Variants in FRMD5 observed in about 807,000 individuals in gnomAD.
FRMD5 encodes the protein FERM domain containing 5.
In FRMD5, 20 loss-of-function variants were observed where a neutral mutation model predicts 69.0. The observed-to-expected ratio is 0.29, with a 90% confidence interval of 0.20 to 0.42. The LOEUF (loss-of-function observed/expected upper bound fraction) is 0.42. Among genes scored for constraint, FRMD5 ranks in the 10% least tolerant of loss-of-function variants. The pLI is 1.00. For synonymous variants in FRMD5, 271 were observed against 260.1 expected (o/e 1.04, Z -0.40); for missense variants, 595 against 708.6 (o/e 0.84, Z 1.82).
At chr15:44,065,743 A>C (rs530259606) in intron 1 of FRMD5, among the ~76,000 whole-genome samples, 1 of 152,362 alleles carries the variant, frequency 6.6e-6, no homozygotes, top group Non-Finnish European at 1.5e-5. Flanking sequence ...ACTGACCTAC[A>C]TTTTGTAAGA....
intron 1 of FRMD5, among the ~76,000 whole-genome samples, chr15:44,192,896 T>A (rs962810268): frequency 6.6e-6 from 1 of 152,198 alleles, no homozygotes; most frequent in South Asian, 2.1e-4. Context: ...TACACCAAGC[T>A]TAATTTTTTA....
chr15:43,956,558 A>G (rs1364277027), intron 1 of FRMD5, among the ~76,000 whole-genome samples: 4 of 152,186 alleles, frequency 2.6e-5, no homozygotes, highest in Non-Finnish European at 4.4e-5. Context: ...AGAAAAATAG[A>G]TTGAATGGAG....
intron 1 of FRMD5, among the ~76,000 whole-genome samples, chr15:44,056,818 C>T (rs1012175770): frequency 6.6e-6 from 1 of 152,156 alleles, no homozygotes; most frequent in Admixed American, 6.5e-5. Flanking sequence ...TTAAACACCT[C>T]CTCAGTTTCC....
At chr15:44,120,095 CA>C (rs2076925662) in intron 1 of FRMD5, among the ~76,000 whole-genome samples, 1 of 152,124 alleles carries the variant, frequency 6.6e-6, no homozygotes, top group Non-Finnish European at 1.5e-5. Context: ...CAATTCTGAA[CA>C]GGTACAGAGG....
intron 1 of FRMD5, among the ~76,000 whole-genome samples, chr15:44,119,900 A>C (rs962456162): frequency 2.0e-5 from 3 of 152,192 alleles, no homozygotes; most frequent in African/African-American, 7.2e-5. Flanking sequence ...AGTGGTAAAA[A>C]AATACTTACT....
At chr15:44,091,381 C>CAT (rs2076471206) in intron 1 of FRMD5, among the ~76,000 whole-genome samples, 1 of 152,042 alleles carries the variant, frequency 6.6e-6, no homozygotes, top group African/African-American at 2.4e-5. Context: ...CACACACACA[C>CAT]ATATATATCC....
At chr15:43,887,417 A>G (rs2088688734) in intron 10 of FRMD5, among the ~76,000 whole-genome samples, 1 of 152,224 alleles carries the variant, frequency 6.6e-6, no homozygotes, top group Non-Finnish European at 1.5e-5. Flanking sequence ...CTTTCTATGG[A>G]CAGTAGGGAC....
intron 4 of FRMD5, among the ~76,000 whole-genome samples, chr15:43,913,808 G>A (rs995264073): frequency 7.9e-5 from 12 of 152,194 alleles, no homozygotes; most frequent in Admixed American, 2.6e-4. Flanking sequence ...CAGGCCTTCT[G>A]ACTCGGCCCA....
intron 1 of FRMD5, among the ~76,000 whole-genome samples, chr15:43,984,049 TTTTG>T (rs1889265630): frequency 6.6e-6 from 1 of 152,166 alleles, no homozygotes; most frequent in South Asian, 2.1e-4. Flanking sequence ...AAAATTCTGT[TTTTG>T]TTTTTCTTCA....
intron 1 of FRMD5, among the ~76,000 whole-genome samples, chr15:44,144,392 G>A (rs540019355): frequency 6.6e-6 from 1 of 152,286 alleles, no homozygotes; most frequent in South Asian, 2.1e-4. Context: ...GTGACAGCTA[G>A]GCATGGATAG....
intron 1 of FRMD5, among the ~76,000 whole-genome samples, chr15:44,159,955 G>T (rs933186472): frequency 1.3e-5 from 2 of 152,180 alleles, no homozygotes; most frequent in East Asian, 1.9e-4. Flanking sequence ...CTTCAGTGAG[G>T]CTCCTCAAGT....
chr15:44,134,866 G>C (rs1013925406), intron 1 of FRMD5, among the ~76,000 whole-genome samples: 2 of 152,182 alleles, frequency 1.3e-5, no homozygotes, highest in Non-Finnish European at 2.9e-5. Flanking sequence ...AAGCTGAGGC[G>C]ATAGCAAATG....
intron 10 of FRMD5, among the ~76,000 whole-genome samples, chr15:43,887,439 G>T (rs2088689443): frequency 6.6e-6 from 1 of 152,244 alleles, no homozygotes; most frequent in East Asian, 1.9e-4. Flanking sequence ...GAACAGGAGG[G>T]AAGTGTGACC....
At chr15:44,130,883 A>G (rs572971904) in intron 1 of FRMD5, among the ~76,000 whole-genome samples, 16 of 152,316 alleles carry the variant, frequency 1.1e-4, no homozygotes, top group African/African-American at 2.9e-4. Flanking sequence ...TTTATATACT[A>G]GTAATTTCAC....
At chr15:44,028,349 T>A (rs1891530943) in intron 1 of FRMD5, among the ~76,000 whole-genome samples, 1 of 152,120 alleles carries the variant, frequency 6.6e-6, no homozygotes, top group African/African-American at 2.4e-5. Context: ...CTATGCGAGA[T>A]GGAAGTGCAG....
intron 1 of FRMD5, among the ~76,000 whole-genome samples, chr15:44,010,665 G>A (rs921360507): frequency 6.6e-6 from 1 of 152,090 alleles, no homozygotes; most frequent in Non-Finnish European, 1.5e-5. Flanking sequence ...GATTATAGGC[G>A]TGAGCTACCA....
chr15:43,886,863 G>T (rs2088675452), intron 10 of FRMD5, among the ~76,000 whole-genome samples: 1 of 152,188 alleles, frequency 6.6e-6, no homozygotes, highest in Admixed American at 6.5e-5. Context: ...ACATACCTGG[G>T]GATCTCACCC....
intron 2 of FRMD5, among the ~76,000 whole-genome samples, chr15:43,922,755 C>T (rs2089517780): frequency 6.6e-6 from 1 of 151,754 alleles, no homozygotes; most frequent in South Asian, 2.1e-4. Context: ...ACTGCAACCT[C>T]CACCTCCCGG....
intron 1 of FRMD5, among the ~76,000 whole-genome samples, chr15:44,096,164 C>T (rs1595715589): frequency 1.4e-5 from 2 of 145,514 alleles, no homozygotes; most frequent in Admixed American, 7.0e-5. Flanking sequence ...CAATATCACG[C>T]CATTGCACTC....
Sources: allele counts gnomAD v4.1 joint callset (sites outside exome capture counted in the v4.1 genomes callset), GRCh38; gene constraint gnomAD v4.1.1; transcripts MANE v1.5; gene names NCBI Gene and HGNC (gene_info 2026-07-23, HGNC 2026-07-21).